ZMYND8: variants seen among roughly 807,000 people sequenced by gnomAD.
ZMYND8 encodes the protein zinc finger MYND-type containing 8.
A neutral mutation model predicts 140.8 loss-of-function variants in ZMYND8; 37 were observed. That is an observed-to-expected ratio of 0.26 (90% CI 0.20 to 0.35). The LOEUF is 0.35. Among genes scored for constraint, ZMYND8 ranks in the 10% least tolerant of loss-of-function variants. ZMYND8 has a pLI of 1.00. For missense variants in ZMYND8, 1,068 were observed against 1,570.0 expected, an observed-to-expected ratio of 0.68 and a Z score of 5.40; for synonymous variants, 592 against 597.1, an observed-to-expected ratio of 0.99 and a Z score of 0.12.
At chr20:47,244,547 A>G (rs1325912124) in intron 14 of ZMYND8, among the ~76,000 whole-genome samples, 1 of 152,328 alleles carries the variant, frequency 6.6e-6, no homozygotes, top group East Asian at 1.9e-4. Flanking sequence ...GGTTCAGAAT[A>G]TAACCGTAGC....
chr20:47,287,616 C>T lies in ZMYND8; in HGVS notation c.749-332G>A, dbSNP rs190888883. On this transcript the variant is annotated intron_variant, in intron 7 of 22. Transcript: ENST00000471951. ...AAAAAGGCCTTATTCTACCCATTGT[C>T]CCAGACGCCAACCCAAGAAGAATAC... 1.1e-4 allele frequency among the ~76,000 whole-genome samples: 16 copies of T among 152,306 alleles called. No homozygotes were observed. The East Asian group carries it at 3.1e-3, about 29-fold the overall frequency.
At position 47,209,636 on chromosome 20, in the gene ZMYND8, C is replaced by T. The variant is rs753374408; in HGVS notation, c.*1125G>A. The T allele has an allele frequency of 7.9e-5, 12 of 152,504 alleles. No homozygotes were observed. The highest frequency in any genetic ancestry group is 1.2e-4 in the Non-Finnish European group (8 of 68,028). The allele number at this position is 152,504 out of a possible 1,614,324, so 9.4% of individuals were successfully genotyped here. A position where few individuals can be genotyped will look rare whatever the true frequency, so the allele number is the denominator to read the frequency against. ...ACAACAAAACGTACTGGAATGATAT[C>T]GTACAATTAATTTTCTCATATACAT... On this transcript the variant is annotated 3_prime_UTR_variant, in exon 23 of 23. Coordinates refer to ENST00000471951, the MANE Select transcript of ZMYND8 (RefSeq NM_001281775.3).
chr20:47,279,514 C>T (rs531496163), intron 10 of ZMYND8, among the ~76,000 whole-genome samples: 1,880 of 151,026 alleles, frequency 0.012, 22 homozygotes, highest in Non-Finnish European at 0.02. Context: ...AATAATAAAA[C>T]AAGCCCAGGA....
intron 2 of ZMYND8, among the ~76,000 whole-genome samples, chr20:47,316,725 G>A (rs981061952): frequency 6.6e-6 from 1 of 151,610 alleles, no homozygotes; most frequent in Admixed American, 6.6e-5. Context: ...AACCAGGGAG[G>A]TGGAGGTTGT....
At chr20:47,329,140 A>G (rs938059139) in intron 2 of ZMYND8, among the ~76,000 whole-genome samples, 3 of 152,216 alleles carry the variant, frequency 2.0e-5, no homozygotes, top group African/African-American at 4.8e-5. Context: ...TTAAAACTCA[A>G]TAATCATGCA....
At chr20:47,342,125 T>C (rs2081946393) in intron 2 of ZMYND8, among the ~76,000 whole-genome samples, 1 of 151,878 alleles carries the variant, frequency 6.6e-6, no homozygotes, top group Non-Finnish European at 1.5e-5. Flanking sequence ...TGAGCCGAGA[T>C]TGTGCCACTG....
At chr20:47,212,147 G>A (rs569060646) in intron 22 of ZMYND8, among the ~76,000 whole-genome samples, 1 of 152,240 alleles carries the variant, frequency 6.6e-6, no homozygotes, top group South Asian at 2.1e-4. Context: ...TCCCCATCTG[G>A]GAGAAAATCC....
chr20:47,261,650 G>T (rs984973399), intron 12 of ZMYND8, among the ~76,000 whole-genome samples: 1 of 152,114 alleles, frequency 6.6e-6, no homozygotes, highest in African/African-American at 2.4e-5. Flanking sequence ...AGGAATATCA[G>T]AGTATGCTGC....
intron 2 of ZMYND8, among the ~76,000 whole-genome samples, chr20:47,323,827 C>A (rs2080167567): frequency 6.6e-6 from 1 of 152,184 alleles, no homozygotes. Context: ...CTGGTCCTGG[C>A]TCACATGGCT....
At chr20:47,261,713 T>C (rs1425846247) in intron 12 of ZMYND8, among the ~76,000 whole-genome samples, 1 of 152,126 alleles carries the variant, frequency 6.6e-6, no homozygotes, top group Non-Finnish European at 1.5e-5. Context: ...GCCATGGGTA[T>C]AATTTGCAAA....
rs548002767 is a variant in ZMYND8 at position 47,300,293 on chromosome 20, C to T, written c.235-1346G>A. Among the ~76,000 whole-genome samples the T allele has an allele frequency of 2.0e-5, 3 of 152,304 alleles. No homozygotes were observed. In the South Asian group the frequency reaches 6.2e-4, roughly 32 times the overall value. ...ACTCAACCCACTTTGAGCCTCAATT[C>T]CCTGGCAATAAAACCACAGAGAATA... On this transcript the variant is annotated intron_variant, in intron 3 of 22. Transcript: ENST00000471951.
At chr20:47,291,744 T>C in intron 6 of ZMYND8, 52 bp downstream of exon 6, 1 of 1,468,204 alleles carries the variant, frequency 6.8e-7, no homozygotes, top group Non-Finnish European at 9.4e-7. Context: ...GGAAGAGCCT[T>C]AGGCATCTCA....
chr20:47,321,078 T>G (rs1445127183), intron 2 of ZMYND8, among the ~76,000 whole-genome samples: 1 of 152,232 alleles, frequency 6.6e-6, no homozygotes, highest in Non-Finnish European at 1.5e-5. Context: ...AACGCTGGAC[T>G]CCTCTGAATT....
chr20:47,313,891 C>G (rs987518984), intron 2 of ZMYND8, among the ~76,000 whole-genome samples: 1 of 151,910 alleles, frequency 6.6e-6, no homozygotes, highest in Admixed American at 6.6e-5. Flanking sequence ...TGAGATCGCA[C>G]GACTGCACTC....
Position 47,298,801 on chromosome 20 carries a change from G to A in ZMYND8, c.381C>T (p.Pro127=), listed in dbSNP as rs747207924. 3 of 1,614,116 alleles carry A rather than the reference G, an allele frequency of 1.9e-6. No homozygotes were observed. Among genetic ancestry groups the A allele is most frequent in the Non-Finnish European group, 2.5e-6 (3 of 1,180,030 alleles). ...EGQVLCCELC[P]RVYHAKCLRL... ...TCAGACACTTAGCGTGATAAACCCG[G>A]GGACAGAGCTCACAGCAAAGGACTT... The change falls in exon 4 of 23, where the codon CCC becomes CCT. Residue 127 remains proline, a synonymous_variant. Coordinates refer to ENST00000471951, the MANE Select transcript of ZMYND8 (RefSeq NM_001281775.3). The surrounding 1 kb of genome is among the most constrained non-coding windows in gnomAD (Gnocchi z 5.0).
At chr20:47,342,912 G>A (rs1180240122) in intron 2 of ZMYND8, among the ~76,000 whole-genome samples, 1 of 151,682 alleles carries the variant, frequency 6.6e-6, no homozygotes, top group Non-Finnish European at 1.5e-5. Flanking sequence ...TGATTTTAGG[G>A]CTGAGGCAAA....
chr20:47,274,019 A>G (rs1306406601), intron 11 of ZMYND8, among the ~76,000 whole-genome samples: 1 of 152,200 alleles, frequency 6.6e-6, no homozygotes, highest in Non-Finnish European at 1.5e-5. Flanking sequence ...TTTAAAGTCT[A>G]CTCAAATGGG....
intron 9 of ZMYND8, among the ~76,000 whole-genome samples, chr20:47,283,174 G>C (rs898436599): frequency 6.6e-6 from 1 of 152,142 alleles, no homozygotes; most frequent in African/African-American, 2.4e-5. Context: ...ATGTTTTGGA[G>C]GGACTATGGA....
Position 47,310,213 on chromosome 20 carries a change from G to C in ZMYND8, c.86-9C>G. ...CTCTGCAGAGCCAGGATCTGAAAGA[G>C]ATACAGGACCACAGGTTTTAAAGCA... is the stretch of plus-strand genomic sequence containing the variant. On this transcript the variant is annotated splice_polypyrimidine_tract_variant and intron_variant, in intron 2 of 22. Transcript: ENST00000471951. 6.3e-7 allele frequency: 1 copy of C among 1,593,540 alleles called. No individual in the cohort carries two copies. Among genetic ancestry groups the C allele is most frequent in the Non-Finnish European group, 8.5e-7 (1 of 1,174,152 alleles).
Sources: allele counts gnomAD v4.1 joint callset (sites outside exome capture counted in the v4.1 genomes callset), GRCh38; gene constraint gnomAD v4.1.1; non-coding constraint Gnocchi (gnomAD v3.1); transcripts MANE v1.5; gene names NCBI Gene and HGNC (gene_info 2026-07-23, HGNC 2026-07-21).